Variants in MAGI2 observed in about 807,000 individuals in gnomAD.
MAGI2 encodes the protein membrane associated guanylate kinase, WW and PDZ domain containing 2, also known as membrane-associated guanylate kinase, WW and PDZ domain-containing protein 2.
Under a neutral mutation model 133.3 loss-of-function variants are expected in MAGI2, and 35 were observed. The observed-to-expected ratio is 0.26, with a 90% CI of 0.20 to 0.35. MAGI2 has a LOEUF of 0.35. Ranked by LOEUF, MAGI2 falls within the 10% of genes least tolerant of loss-of-function variation. The pLI is 1.00. For synonymous variants in MAGI2, 729 were observed against 710.6 expected, an observed-to-expected ratio of 1.03 and a Z score of -0.41; for missense variants, 1,636 against 1,863.4, an observed-to-expected ratio of 0.88 and a Z score of 2.25.
At chr7:78,823,600 A>G (rs1286911913) in intron 2 of MAGI2, among the ~76,000 whole-genome samples, 1 of 147,660 alleles carries the variant, frequency 6.8e-6, no homozygotes, top group African/African-American at 2.5e-5. Flanking sequence ...AAAAAAAAAA[A>G]AAGAAATACG....
intron 2 of MAGI2, among the ~76,000 whole-genome samples, chr7:78,794,988 G>A (rs990873356): frequency 1.3e-5 from 2 of 152,134 alleles, no homozygotes; most frequent in Non-Finnish European, 2.9e-5. Context: ...TCACAGAGCA[G>A]CTGAGATTAC....
chr7:78,685,466 GTT>G (rs5885086), intron 2 of MAGI2, among the ~76,000 whole-genome samples: 91,157 of 141,358 alleles, frequency 0.64, 28,322 homozygotes, highest in East Asian at 0.69. Context: ...TGTCATTGTC[GTT>G]TTTTTTTTTT....
chr7:78,898,061 T>A (rs951606080), intron 2 of MAGI2, among the ~76,000 whole-genome samples: 21 of 152,174 alleles, frequency 1.4e-4, no homozygotes, highest in African/African-American at 4.6e-4. Context: ...GACATACATG[T>A]GGCCAACAAG....
At chr7:79,136,125 GAA>G (rs754351513) in intron 1 of MAGI2, among the ~76,000 whole-genome samples, 26 of 144,840 alleles carry the variant, frequency 1.8e-4, no homozygotes, top group South Asian at 4.5e-4. Flanking sequence ...AAGAAAGAAA[GAA>G]AGACACAAAA....
intron 2 of MAGI2, among the ~76,000 whole-genome samples, chr7:78,957,192 GAGGC>G (rs1466062296): frequency 6.7e-6 from 1 of 148,906 alleles, no homozygotes; most frequent in African/African-American, 2.5e-5. Flanking sequence ...TTGAACCCGG[GAGGC>G]AGAGGTTGCA....
At chr7:78,586,065 C>T (rs1291775557) in intron 3 of MAGI2, among the ~76,000 whole-genome samples, 1 of 152,172 alleles carries the variant, frequency 6.6e-6, no homozygotes, top group African/African-American at 2.4e-5. Context: ...TGACCGAGTG[C>T]ACCAAATTGT....
intron 1 of MAGI2, among the ~76,000 whole-genome samples, chr7:79,243,578 T>C (rs1448338432): frequency 6.6e-6 from 1 of 152,142 alleles, no homozygotes; most frequent in African/African-American, 2.4e-5. Flanking sequence ...ACTTTTAAAA[T>C]GCTGGAAAAA....
At chr7:79,137,273 A>T (rs1821668090) in intron 1 of MAGI2, among the ~76,000 whole-genome samples, 1 of 152,036 alleles carries the variant, frequency 6.6e-6, no homozygotes, top group Non-Finnish European at 1.5e-5. Context: ...GCTAACATAT[A>T]AACACTAACA....
At chr7:79,353,462 A>G (rs938509770) in intron 1 of MAGI2, 4 of 456,008 alleles carry the variant, frequency 8.8e-6, no homozygotes, top group African/African-American at 4.0e-5. Context: ...CCCCAGGACA[A>G]TCCTGAACTG....
chr7:78,113,827 A>G lies in MAGI2; in HGVS notation c.3567+11867T>C, dbSNP rs1819598489. ...GGAGAACAAGAGAGTAGAAGAATAG[A>G]AGAAATTTCAGAAATATTGAACTAG... is the stretch of plus-strand genomic sequence containing the variant. On this transcript the variant is annotated intron_variant, in intron 20 of 21. Transcript: ENST00000354212. 2.6e-5 allele frequency among the ~76,000 whole-genome samples: 4 copies of G among 152,336 alleles called. No individual in the cohort carries two copies. In the South Asian group the frequency reaches 6.2e-4, roughly 24 times the overall value.
intron 3 of MAGI2, among the ~76,000 whole-genome samples, chr7:78,609,037 T>C (rs1204976628): frequency 6.6e-6 from 1 of 152,144 alleles, no homozygotes; most frequent in Admixed American, 6.5e-5. Flanking sequence ...GCAGGAAGCA[T>C]CTAGCATGGG....
intron 3 of MAGI2, among the ~76,000 whole-genome samples, chr7:78,569,628 A>G (rs937443949): frequency 6.6e-6 from 1 of 151,556 alleles, no homozygotes; most frequent in Admixed American, 6.6e-5. Flanking sequence ...AGTAATATTT[A>G]AAAAAAATAA....
At chr7:78,582,908 C>T (rs1802993953) in intron 3 of MAGI2, among the ~76,000 whole-genome samples, 1 of 152,174 alleles carries the variant, frequency 6.6e-6, no homozygotes, top group Non-Finnish European at 1.5e-5. Flanking sequence ...CTTTGGGAAG[C>T]CACTTAAAAT....
chr7:79,003,904 T>C lies in MAGI2; in HGVS notation c.418+3186A>G, dbSNP rs371703499. ...TGCAAATCAAAACCACAATGAGATA[T>C]CATCTTACTCCAGTTAGAATGTCTA... On this transcript the variant is annotated intron_variant, in intron 2 of 21. Transcript: ENST00000354212. 2.8e-3 allele frequency among the ~76,000 whole-genome samples: 425 copies of C among 152,208 alleles called. 1 individual carries two copies. In the South Asian group the frequency reaches 0.035, roughly 12 times the overall value.
chr7:78,183,289 T>G (rs913946075), intron 13 of MAGI2, among the ~76,000 whole-genome samples: 4 of 146,260 alleles, frequency 2.7e-5, no homozygotes, highest in Non-Finnish European at 6.0e-5. Flanking sequence ...TTTTTTGAGA[T>G]GGAGTCTCGC....
chr7:79,077,936 A>T lies in MAGI2; in HGVS notation c.302-70730T>A, dbSNP rs189163817. Among the ~76,000 whole-genome samples the T allele has an allele frequency of 4.6e-5, 7 of 152,270 alleles. No individual in the cohort carries two copies. The East Asian group carries it at 1.4e-3, about 29-fold the overall frequency. ...AGTTTTTATTTTTTTCCCTTAGAAT[A>T]CATTTCTAAAAGTGAAATTGTTGGG... On this transcript the variant is annotated intron_variant, in intron 1 of 21. Coordinates refer to ENST00000354212, the MANE Select transcript of MAGI2 (RefSeq NM_012301.4).
chr7:78,606,102 G>A (rs1496788), intron 3 of MAGI2, among the ~76,000 whole-genome samples: 1 of 152,196 alleles, frequency 6.6e-6, no homozygotes, highest in South Asian at 2.1e-4. Flanking sequence ...ATGACTCCCA[G>A]GTTCCTGGCT....
rs1049897211 is a variant in MAGI2, at chr7:78,887,894, G to A, written c.418+119196C>T. On this transcript the variant is annotated intron_variant, in intron 2 of 21. Coordinates refer to ENST00000354212, the MANE Select transcript of MAGI2 (RefSeq NM_012301.4). ...ACGGAGAGTGGGCGCAGGACAGTGG[G>A]TGCAGCGCACCGAGCATGAGCCATA... Among the ~76,000 whole-genome samples the A allele has an allele frequency of 3.9e-5, 6 of 152,196 alleles. No individual in the cohort carries two copies. In the East Asian group the frequency reaches 1.2e-3, roughly 29 times the overall value.
chr7:78,958,396 T>C (rs1052455284), intron 2 of MAGI2, among the ~76,000 whole-genome samples: 3 of 152,154 alleles, frequency 2.0e-5, no homozygotes, highest in African/African-American at 7.2e-5. Flanking sequence ...TCCCCAGATG[T>C]GTGTGACAGT....
Sources: gnomAD v4.1 joint callset for allele counts (sites outside exome capture counted in the v4.1 genomes callset) on GRCh38, gnomAD v4.1.1 for gene constraint, MANE v1.5 for transcripts, NCBI Gene and HGNC (gene_info 2026-07-23, HGNC 2026-07-21) for gene names.